The following EFNA1 variants were observed in gnomAD, a reference collection of about 807,000 sequenced individuals.
EFNA1 encodes ephrin A1.
A neutral mutation model predicts 23.2 loss-of-function variants in EFNA1; 8 were observed. The ratio of observed to expected loss-of-function variants is 0.34; its 90% CI spans 0.20 to 0.62. The LOEUF (loss-of-function observed/expected upper bound fraction) is 0.62. EFNA1 is among the 20% of genes least tolerant of loss of function. The probability of loss-of-function intolerance (pLI) is 0.75; values close to 1 mark genes in which losing one functional copy is unlikely to be tolerated. For synonymous variants in EFNA1, 89 were observed against 98.6 expected (o/e 0.90, Z 0.58); for missense variants, 217 against 260.0 (o/e 0.83, Z 1.14).
In EFNA1 at chr1:155,134,116, A is replaced by ACAGGCACTC; in HGVS notation, c.*52_*60dup. 6.3e-7 allele frequency: 1 copy of ACAGGCACTC among 1,577,750 alleles called. No homozygotes were observed. Among genetic ancestry groups the ACAGGCACTC allele is most frequent in the Admixed American group, 1.8e-5 (1 of 56,186 alleles). The stretch of plus-strand genomic sequence containing the variant: ...AAAGAGGGACAGGCTGAAGAGAGGG[A>ACAGGCACTC]CAGGCACTCCAAACCTGTCTTGGGG... On this transcript the variant is annotated 3_prime_UTR_variant, in exon 5 of 5. Coordinates refer to ENST00000368407, the MANE Select transcript of EFNA1 (RefSeq NM_004428.3).
chr1:155,129,641 G>A (rs1664182703), intron 1 of EFNA1: 1 of 152,966 alleles, frequency 6.5e-6, no homozygotes, highest in Non-Finnish European at 1.5e-5. Context: ...GCAAATATGA[G>A]GCTACAATGA....
chr1:155,130,303 G>C (rs1022762896), intron 1 of EFNA1, among the ~76,000 whole-genome samples: 2 of 152,188 alleles, frequency 1.3e-5, no homozygotes, highest in Non-Finnish European at 2.9e-5. Flanking sequence ...AAACTGACCA[G>C]CTTGCGGGGT....
chr1:155,128,087 C>G lies in EFNA1; in HGVS notation c.92+18C>G, dbSNP rs750599130. 8 of 1,610,254 alleles carry G rather than the reference C, an allele frequency of 5.0e-6. No individual in the cohort carries two copies. Among genetic ancestry groups the G allele is most frequent in the East Asian group, 2.2e-5 (1 of 44,820 alleles). On this transcript the variant is annotated intron_variant, in intron 1 of 4. Transcript: ENST00000368407. ...AATCCCAAGTAAGCCTCGAGACTCC[C>G]GCTGGCAGCCTGGGCTCCCGGCTGG... is the stretch of plus-strand genomic sequence containing the variant.
chr1:155,134,379 C>T lies in EFNA1; in HGVS notation c.*312C>T, dbSNP rs181155559. 82 of 399,126 alleles carry T rather than the reference C, an allele frequency of 2.1e-4. 1 individual carries two copies. Among genetic ancestry groups the T allele is most frequent in the African/African-American group, 1.5e-3 (76 of 49,188 alleles). 24.7% of individuals were successfully genotyped at this position (399,126 alleles called of 1,614,324 possible). A position where few individuals can be genotyped will look rare whatever the true frequency, so the allele number is the denominator to read the frequency against. On this transcript the variant is annotated 3_prime_UTR_variant, in exon 5 of 5. Coordinates refer to ENST00000368407, the MANE Select transcript of EFNA1 (RefSeq NM_004428.3). ...TGTGCAGGCATGGTCCCTTAAGGCA[C>T]AGTGGGAGCTGAGCTGGAAGGGGCC... is the stretch of plus-strand genomic sequence containing the variant.
At chr1:155,131,203 T>G (rs572859964) in intron 1 of EFNA1, 136 bp from the exon 2 acceptor site, 1 of 1,367,110 alleles carries the variant, frequency 7.3e-7, no homozygotes, top group Non-Finnish European at 9.8e-7. Flanking sequence ...TCAGTACATA[T>G]TGGGAGTTGA....
chr1:155,129,548 C>CACAT (rs1664179350), intron 1 of EFNA1: 1 of 120,386 alleles, frequency 8.3e-6, no homozygotes, highest in Admixed American at 7.6e-5. Flanking sequence ...CACACACACA[C>CACAT]GCACACCCTA....
In EFNA1 at chr1:155,134,262, A is replaced by C; in HGVS notation, c.*195A>C. 1.7e-6 allele frequency: 1 copy of C among 601,688 alleles called. No individual in the cohort carries two copies. Among genetic ancestry groups the C allele is most frequent in the East Asian group, 2.8e-5 (1 of 35,738 alleles). The allele number at this position is 601,688 out of a possible 1,614,324, so 37.3% of individuals were successfully genotyped here. The stretch of plus-strand genomic sequence containing the variant: ...CCGGAAGGAGGCCAACCAGCCCGAC[A>C]GTGCCATCCCCACCTTCACCTCGGA... On this transcript the variant is annotated 3_prime_UTR_variant, in exon 5 of 5. Coordinates refer to ENST00000368407, the MANE Select transcript of EFNA1 (RefSeq NM_004428.3).
intron 1 of EFNA1, among the ~76,000 whole-genome samples, chr1:155,128,351 T>C (rs1322533908): frequency 6.6e-6 from 1 of 152,066 alleles, no homozygotes; most frequent in East Asian, 1.9e-4. Flanking sequence ...GTTCCTGCCT[T>C]CAGCATAGAC....
chr1:155,130,983 G>C (rs1016745386), intron 1 of EFNA1: 1 of 985,346 alleles, frequency 1.0e-6, no homozygotes, highest in Non-Finnish European at 1.2e-6. Flanking sequence ...AACAGATTTG[G>C]GGAAATATTT....
At chr1:155,130,427 A>C in intron 1 of EFNA1, 2 of 795,060 alleles carry the variant, frequency 2.5e-6, no homozygotes, top group Non-Finnish European at 3.0e-6. Context: ...GGCCAGGGGG[A>C]ATGAACTAGG....
At chr1:155,128,332 T>C (rs576463578) in intron 1 of EFNA1, among the ~76,000 whole-genome samples, 2 of 152,212 alleles carry the variant, frequency 1.3e-5, no homozygotes, top group South Asian at 2.1e-4. Flanking sequence ...GAGGGACTCA[T>C]GCTGGGCAGT....
intron 2 of EFNA1, among the ~76,000 whole-genome samples, chr1:155,133,065 C>T (rs1397250765): frequency 6.6e-6 from 1 of 152,054 alleles, no homozygotes; most frequent in Non-Finnish European, 1.5e-5. Context: ...CATGTGCCAC[C>T]ATGCCCGGCT....
chr1:155,128,684 A>G (rs894922273), intron 1 of EFNA1, among the ~76,000 whole-genome samples: 12 of 152,222 alleles, frequency 7.9e-5, no homozygotes, highest in African/African-American at 2.9e-4. Context: ...GGGGCTCTCA[A>G]GTAGTAAAAG....
Position 155,131,558 on chromosome 1 carries a change from G to A in EFNA1, c.312G>A (p.Leu104=). The part of the protein sequence containing the change: ...RPSAKHGPEK[L]SEKFQRFTPF... Reference sequence around the variant, plus strand: ...GTGCCAAGCATGGCCCGGAGAAGCTGTCTGAGAAGTTCCAGCGCTTCACAC... The same window carrying A: ...GTGCCAAGCATGGCCCGGAGAAGCTATCTGAGAAGTTCCAGCGCTTCACAC... Residue 104 remains leucine, a synonymous_variant, in exon 2 of 5, where the codon CTG becomes CTA. Coordinates refer to ENST00000368407, the MANE Select transcript of EFNA1 (RefSeq NM_004428.3). The A allele has an allele frequency of 6.2e-7, 1 of 1,614,006 alleles. No homozygotes were observed.
Position 155,127,999 on chromosome 1 carries a change from C to T in EFNA1, c.22C>T (p.Leu8Phe), listed in dbSNP as rs535261907. The change falls in exon 1 of 5, where the codon CTC (leucine) becomes TTC (phenylalanine). Residue 8 changes from leucine (L) to phenylalanine (F), a missense_variant. Physicochemically the swap from Leu to Phe is conservative, Grantham distance 22. Coordinates refer to ENST00000368407, the MANE Select transcript of EFNA1 (RefSeq NM_004428.3). The surrounding 1 kb of genome is among the most constrained non-coding windows in gnomAD (Gnocchi z 4.4). MEFLWAP[L>F]LGLCCSLAAA... The stretch of plus-strand genomic sequence containing the variant: ...CGCTATGGAGTTCCTCTGGGCCCCT[C>T]TCTTGGGTCTGTGCTGCAGTCTGGC... The T allele has an allele frequency of 1.2e-6, 2 of 1,613,496 alleles. No individual in the cohort carries two copies. The highest frequency in any genetic ancestry group is 1.1e-5 in the South Asian group (1 of 91,088).
At chr1:155,133,353 G>A in intron 2 of EFNA1, 150 bp from the exon 3 acceptor site, 1 of 878,554 alleles carries the variant, frequency 1.1e-6, no homozygotes. Context: ...CAGGAAGTTA[G>A]CAAAAACTAA....
Position 155,127,877 on chromosome 1 carries a change from G to C in EFNA1, c.-101G>C. On this transcript the variant is annotated 5_prime_UTR_variant, in exon 1 of 5. Coordinates refer to ENST00000368407, the MANE Select transcript of EFNA1 (RefSeq NM_004428.3). This position sits in a 1 kb window ranked among gnomAD's most constrained non-coding sequence, Gnocchi z 4.4. ...GCGGAGTCGCTAGGCGAAGGGGCCA[G>C]ATCTGTGAGCCCAGCGCTGACTGCG... 1 of 884,024 alleles carries C rather than the reference G, an allele frequency of 1.1e-6. No homozygotes were observed. Among genetic ancestry groups the C allele is most frequent in the Admixed American group, 2.6e-5 (1 of 38,970 alleles). 54.8% of individuals were successfully genotyped at this position (884,024 alleles called of 1,614,324 possible).
Position 155,131,303 on chromosome 1 carries a change from T to C in EFNA1, c.93-36T>C, listed in dbSNP as rs369393260. The C allele has an allele frequency of 5.4e-4, 848 of 1,583,538 alleles. 2 individuals are homozygous for C. Among genetic ancestry groups the C allele is most frequent in the Non-Finnish European group, 7.2e-4 (831 of 1,159,686 alleles). Reference sequence around the variant, plus strand: ...CCAAGGATCTGGCCTGGCTTCTGAATGACCACCTGCTTCTTCCCCCTGTGT... The same window carrying C: ...CCAAGGATCTGGCCTGGCTTCTGAACGACCACCTGCTTCTTCCCCCTGTGT... On this transcript the variant is annotated intron_variant, in intron 1 of 4. Coordinates refer to ENST00000368407, the MANE Select transcript of EFNA1 (RefSeq NM_004428.3).
chr1:155,131,936 C>T (rs1327934004), intron 2 of EFNA1, among the ~76,000 whole-genome samples: 1 of 152,056 alleles, frequency 6.6e-6, no homozygotes. Context: ...AACACAGGGG[C>T]CTTGGGAAAA....
Sources: gnomAD v4.1 joint callset for allele counts (sites outside exome capture counted in the v4.1 genomes callset) on GRCh38, gnomAD v4.1.1 for gene constraint, Gnocchi (gnomAD v3.1) non-coding constraint, MANE v1.5 for transcripts, NCBI Gene and HGNC (gene_info 2026-07-23, HGNC 2026-07-21) for gene names.